The following BUD23 variants were observed in gnomAD, a reference collection of about 807,000 sequenced individuals.
BUD23 encodes BUD23 rRNA methyltransferase and ribosome maturation factor, also known as 18S rRNA (guanine-N(7))-methyltransferase.
In BUD23, 34 loss-of-function variants were observed where a neutral mutation model predicts 47.0. That is an observed-to-expected ratio of 0.72 (90% CI 0.55 to 0.96). The LOEUF is 0.96. BUD23 is among the 40% of genes least tolerant of loss of function. BUD23 has a pLI of 0.00. For missense variants in BUD23, 343 were observed against 361.2 expected (o/e 0.95, Z 0.41); for synonymous variants, 124 against 132.0 (o/e 0.94, Z 0.41).
At chr7:73,690,675 A>G (rs1032851148) in intron 5 of BUD23, among the ~76,000 whole-genome samples, 16 of 151,976 alleles carry the variant, frequency 1.1e-4, no homozygotes, top group African/African-American at 3.6e-4. Flanking sequence ...GGGTCTTGCT[A>G]TGTTGTCCAG....
In BUD23 at chr7:73,691,029, C is replaced by T. The variant is rs782783026; in HGVS notation, c.459+17C>T. 6.2e-7 allele frequency: 1 copy of T among 1,610,902 alleles called. No homozygotes were observed. The highest frequency in any genetic ancestry group is 1.1e-5 in the South Asian group (1 of 91,024). On this transcript the variant is annotated intron_variant, in intron 6 of 11. Coordinates refer to ENST00000265758, the MANE Select transcript of BUD23 (RefSeq NM_017528.5). ...TCTGTTCTCGTGAGTATAAGATCTT[C>T]TCCCCATCTGGGTTAGCTGCCTGTC...
In BUD23 at chr7:73,686,674, G is replaced by A. The variant is rs151200832; in HGVS notation, c.125G>A (p.Arg42Gln). ...MIDIQTRMAG[R>Q]ALELLYLPEN... ...GATATCCAGACCAGGATGGCTGGGCGAGCATTGGAGCTTCTTTATCTGCCA... is the reference window on the plus strand; with the variant it reads ...GATATCCAGACCAGGATGGCTGGGCAAGCATTGGAGCTTCTTTATCTGCCA... Residue 42 changes from arginine to glutamine, a missense_variant, in exon 3 of 12, where the codon CGA (arginine) becomes CAA (glutamine). Physicochemically the swap from Arg to Gln is conservative, Grantham distance 43. Transcript: ENST00000265758. 1.9e-6 allele frequency: 3 copies of A among 1,613,772 alleles called. No homozygotes were observed. The highest frequency in any genetic ancestry group is 1.1e-5 in the South Asian group (1 of 91,008).
chr7:73,696,930 C>T, intron 10 of BUD23: 1 of 162,740 alleles, frequency 6.1e-6, no homozygotes, highest in Non-Finnish European at 1.4e-5. Flanking sequence ...TCACCTCTTG[C>T]CCCCTGGTTC....
chr7:73,688,611 G>C (rs1249205344), intron 5 of BUD23, among the ~76,000 whole-genome samples: 5 of 152,356 alleles, frequency 3.3e-5, no homozygotes, highest in South Asian at 2.1e-4. Context: ...TCTGTAATCA[G>C]AGTCGGGTTA....
At chr7:73,684,121 G>T (rs535887469) in intron 2 of BUD23, 29 of 720,760 alleles carry the variant, frequency 4.0e-5, no homozygotes, top group South Asian at 8.0e-5. Flanking sequence ...CAGTCCTGGT[G>T]GGGGGAAGGA....
intron 5 of BUD23, among the ~76,000 whole-genome samples, chr7:73,690,246 C>T (rs1798138235): frequency 6.6e-6 from 1 of 152,160 alleles, no homozygotes; most frequent in African/African-American, 2.4e-5. Flanking sequence ...CTCAAGTGAT[C>T]CACCCATCTC....
At chr7:73,686,972 T>C (rs1798000373) in intron 4 of BUD23, 27 bp from the exon 5 acceptor site, 1 of 1,614,046 alleles carries the variant, frequency 6.2e-7, no homozygotes, top group African/African-American at 1.3e-5. Context: ...TATTTCTCTT[T>C]CTCTGACTGC....
chr7:73,685,479 C>T (rs1797928179), intron 2 of BUD23, among the ~76,000 whole-genome samples: 1 of 152,208 alleles, frequency 6.6e-6, no homozygotes, highest in African/African-American at 2.4e-5. Context: ...GAGACAGGCT[C>T]TCATTCTATC....
chr7:73,693,788 C>T (rs2116699812), intron 9 of BUD23, 119 bp downstream of exon 9: 1 of 1,430,568 alleles, frequency 7.0e-7, no homozygotes, highest in Non-Finnish European at 9.8e-7. Flanking sequence ...CCCCAGAGTG[C>T]AGACCCTGGA....
chr7:73,696,401 C>G (rs1466975338), intron 10 of BUD23: 2 of 152,252 alleles, frequency 1.3e-5, no homozygotes, highest in African/African-American at 4.8e-5. Context: ...CTCCATGTGT[C>G]TTAGGATCCT....
intron 2 of BUD23, among the ~76,000 whole-genome samples, chr7:73,685,730 T>C (rs782486600): frequency 5.3e-5 from 8 of 152,058 alleles, no homozygotes; most frequent in Non-Finnish European, 8.8e-5. Context: ...ATGTCGATTA[T>C]ATGTTGAAGT....
rs1554615119 is a variant in BUD23, at chr7:73,697,695, G to C, written c.791+1G>C. The C allele has an allele frequency of 6.2e-7, 1 of 1,611,360 alleles. No individual in the cohort carries two copies. Among genetic ancestry groups the C allele is most frequent in the East Asian group, 2.2e-5 (1 of 44,804 alleles). On this transcript the variant is annotated splice_donor_variant, in intron 11 of 11. Coordinates refer to ENST00000265758, the MANE Select transcript of BUD23 (RefSeq NM_017528.5). LOFTEE classifies it high-confidence loss of function. ...AGGAGCGGCACAGGCGCCAGGGCAG[G>C]TGAGTGCCAGCCTGGGAGCTGGCAG...
intron 5 of BUD23, among the ~76,000 whole-genome samples, chr7:73,688,135 A>G (rs1323909801): frequency 6.6e-6 from 1 of 151,976 alleles, no homozygotes; most frequent in Non-Finnish European, 1.5e-5. Context: ...TGACCTCATG[A>G]TCCGCCCTCT....
intron 7 of BUD23, 59 bp downstream of exon 7, chr7:73,692,705 C>A: frequency 6.6e-7 from 1 of 1,522,822 alleles, no homozygotes; most frequent in Non-Finnish European, 9.1e-7. Flanking sequence ...GGTAAGCTGT[C>A]CTGGGGAAGC....
intron 7 of BUD23, 63 bp downstream of exon 7, chr7:73,692,709 G>T (rs1554614252): frequency 2.0e-6 from 3 of 1,513,428 alleles, no homozygotes; most frequent in African/African-American, 2.7e-5. Context: ...AGCTGTCCTG[G>T]GGAAGCGACA....
At chr7:73,695,877 T>C (rs1326645203) in intron 10 of BUD23, 5 of 152,260 alleles carry the variant, frequency 3.3e-5, no homozygotes, top group Admixed American at 1.3e-4. Context: ...TCCCCGCTCA[T>C]GTTGATTTTC....
At position 73,686,619 on chromosome 7, in the gene BUD23, T is replaced by G. The variant is rs782663974; in HGVS notation, c.87-17T>G. ...AGAACTCCTTTACCATGTCCACTTG[T>G]GTTTCTGCCTTACCAGCTCACGGAT... On this transcript the variant is annotated splice_polypyrimidine_tract_variant and intron_variant, in intron 2 of 11. Coordinates refer to ENST00000265758, the MANE Select transcript of BUD23 (RefSeq NM_017528.5). 9.3e-6 allele frequency: 15 copies of G among 1,613,024 alleles called. No homozygotes were observed. The Admixed American group carries it at 2.5e-4, about 27-fold the overall frequency.
At chr7:73,684,774 A>T (rs1554612560) in intron 2 of BUD23, among the ~76,000 whole-genome samples, 1 of 151,420 alleles carries the variant, frequency 6.6e-6, no homozygotes, top group Admixed American at 6.6e-5. Context: ...AATGGAAAAA[A>T]TTAGCCGGGC....
intron 10 of BUD23, chr7:73,695,794 G>A (rs1385276795): frequency 1.3e-5 from 2 of 152,174 alleles, no homozygotes; most frequent in African/African-American, 2.4e-5. Context: ...AGCAAGACTG[G>A]TCTTTTTCTT....
Sources: gnomAD v4.1 joint callset for allele counts (sites outside exome capture counted in the v4.1 genomes callset) on GRCh38, gnomAD v4.1.1 for gene constraint, MANE v1.5 for transcripts, NCBI Gene and HGNC (gene_info 2026-07-23, HGNC 2026-07-21) for gene names.